The following KHDRBS2 variants were observed in gnomAD, a reference collection of about 807,000 sequenced individuals.
KHDRBS2 encodes KH domain-containing, RNA-binding, signal transduction-associated protein 2.
A neutral mutation model predicts 44.3 loss-of-function variants in KHDRBS2; 26 were observed. The observed-to-expected ratio is 0.59, with a 90% CI of 0.43 to 0.81. The LOEUF (loss-of-function observed/expected upper bound fraction) is 0.81. Among genes scored for constraint, KHDRBS2 ranks in the 40% least tolerant of loss-of-function variants. KHDRBS2 has a pLI of 0.00. For missense variants in KHDRBS2, 476 were observed against 433.1 expected, an observed-to-expected ratio of 1.10 and a Z score of -0.88; for synonymous variants, 194 against 151.1, an observed-to-expected ratio of 1.28 and a Z score of -2.08.
At chr6:61,966,126 A>G (rs967604411) in intron 4 of KHDRBS2, among the ~76,000 whole-genome samples, 3 of 151,368 alleles carry the variant, frequency 2.0e-5, no homozygotes, top group African/African-American at 7.2e-5. Context: ...TTGACATAGA[A>G]TTTGTTTTAC....
chr6:62,108,814 G>C (rs369563865), intron 2 of KHDRBS2, among the ~76,000 whole-genome samples: 1 of 152,090 alleles, frequency 6.6e-6, no homozygotes, highest in Non-Finnish European at 1.5e-5. Context: ...GATGAAATTA[G>C]AAATCATCAG....
chr6:61,679,039 A>C (rs1766100444), downstream of KHDRBS2: 2 of 151,984 alleles, frequency 1.3e-5, no homozygotes, highest in African/African-American at 4.8e-5. Flanking sequence ...AATTGATGAC[A>C]GACACACACT....
intron 6 of KHDRBS2, among the ~76,000 whole-genome samples, chr6:61,805,811 C>T (rs74634774): frequency 0.065 from 9,834 of 152,210 alleles, 391 homozygotes; most frequent in Middle Eastern, 0.13. Flanking sequence ...CTATGAGGTC[C>T]CTCGCCCAAA....
intron 3 of KHDRBS2, among the ~76,000 whole-genome samples, chr6:62,001,974 G>A (rs1467010323): frequency 6.6e-6 from 1 of 152,096 alleles, no homozygotes; most frequent in Admixed American, 6.6e-5. Flanking sequence ...AGATCAAAGG[G>A]AAAATTAAAT....
chr6:61,848,839 C>T lies in KHDRBS2; in HGVS notation c.810+45796G>A, dbSNP rs189840859. ...CAGGGTAAATTTTTAATTTATATTT[C>T]GACCTATGATAAGTTGAAAAGCAGA... On this transcript the variant is annotated intron_variant, in intron 6 of 8. Transcript: ENST00000281156. 2.0e-3 allele frequency among the ~76,000 whole-genome samples: 301 copies of T among 151,138 alleles called. 5 individuals carry two copies. Among genetic ancestry groups the T allele is most frequent in the Non-Finnish European group, 2.5e-3 (167 of 67,722 alleles).
At chr6:61,802,082 A>T (rs1400621270) in intron 6 of KHDRBS2, among the ~76,000 whole-genome samples, 1 of 152,070 alleles carries the variant, frequency 6.6e-6, no homozygotes, top group Non-Finnish European at 1.5e-5. Flanking sequence ...TTTGAGAGCG[A>T]CCCCTGGCTG....
chr6:61,558,419 G>C, the KHDRBS2 span, among the ~76,000 whole-genome samples: 1 of 151,964 alleles, frequency 6.6e-6, no homozygotes, highest in Non-Finnish European at 1.5e-5. Flanking sequence ...AAATTTAGCT[G>C]TACATGGTGG....
At chr6:61,950,572 A>T (rs747344658) in intron 4 of KHDRBS2, among the ~76,000 whole-genome samples, 86 of 152,102 alleles carry the variant, frequency 5.7e-4, no homozygotes, top group Non-Finnish European at 1.1e-3. Context: ...TTTTCCATGT[A>T]ATTCTCTTAT....
rs569761376 is a variant in KHDRBS2 at position 62,270,365 on chromosome 6, A to G, written c.91+15493T>C. 4.1e-5 allele frequency among the ~76,000 whole-genome samples: 5 copies of G among 120,620 alleles called. No individual in the cohort carries two copies. The East Asian group carries it at 1.4e-3, about 35-fold the overall frequency. 79.1% of individuals were successfully genotyped at this position (120,620 alleles called of 152,430 possible). A position where few individuals can be genotyped will look rare whatever the true frequency, so the allele number is the denominator to read the frequency against. On this transcript the variant is annotated intron_variant, in intron 1 of 8. Coordinates refer to ENST00000281156, the MANE Select transcript of KHDRBS2 (RefSeq NM_152688.4). ...ACCTTTCTCTCTCTCGCCATGTGAC[A>G]TATCAGCTCCTCTTCCATTTCTGCC...
intron 6 of KHDRBS2, among the ~76,000 whole-genome samples, chr6:61,753,649 A>C (rs2127569738): frequency 6.6e-6 from 1 of 152,218 alleles, no homozygotes; most frequent in Middle Eastern, 3.4e-3. Flanking sequence ...ATAAGAGGAA[A>C]AGTGGGGATA....
chr6:61,969,148 G>T (rs1266062651), intron 4 of KHDRBS2, among the ~76,000 whole-genome samples: 5 of 151,982 alleles, frequency 3.3e-5, no homozygotes, highest in African/African-American at 4.8e-5. Context: ...TGCAAGGGTA[G>T]CAAGTTTATC....
At chr6:61,544,295 C>T in the KHDRBS2 span, among the ~76,000 whole-genome samples, 15 of 151,938 alleles carry the variant, frequency 9.9e-5, no homozygotes, top group African/African-American at 3.1e-4. Flanking sequence ...ACCAAATTAA[C>T]TAGTAGCTTC....
chr6:61,748,270 T>TG (rs1478910979), intron 6 of KHDRBS2, among the ~76,000 whole-genome samples: 1 of 152,190 alleles, frequency 6.6e-6, no homozygotes, highest in Non-Finnish European at 1.5e-5. Context: ...ATTACAGGCG[T>TG]GAGCCACCAC....
At chr6:62,125,681 A>G (rs1808794386) in intron 2 of KHDRBS2, among the ~76,000 whole-genome samples, 1 of 152,072 alleles carries the variant, frequency 6.6e-6, no homozygotes, top group Admixed American at 6.5e-5. Context: ...ACTGGACACA[A>G]TCCTGAGGTC....
intron 2 of KHDRBS2, among the ~76,000 whole-genome samples, chr6:62,069,642 T>A (rs970409287): frequency 6.6e-6 from 1 of 151,778 alleles, no homozygotes; most frequent in African/African-American, 2.4e-5. Context: ...AGAGACATAT[T>A]GCTCATGCAA....
intron 1 of KHDRBS2, among the ~76,000 whole-genome samples, chr6:62,225,742 G>A (rs559876296): frequency 6.9e-6 from 1 of 145,202 alleles, no homozygotes; most frequent in East Asian, 2.0e-4. Context: ...CTTTGTCCAT[G>A]TGTTCTCATT....
chr6:61,705,904 A>G (rs1422201850), intron 7 of KHDRBS2, among the ~76,000 whole-genome samples: 2 of 151,712 alleles, frequency 1.3e-5, no homozygotes, highest in East Asian at 1.9e-4. Flanking sequence ...ATTGTTGAAA[A>G]TCCATCTTTA....
intron 4 of KHDRBS2, among the ~76,000 whole-genome samples, chr6:61,959,525 C>T (rs1260636565): frequency 1.3e-5 from 2 of 152,086 alleles, no homozygotes; most frequent in East Asian, 3.9e-4. Flanking sequence ...TCGATAGAAA[C>T]AATTTCTGCA....
chr6:61,572,952 C>T, the KHDRBS2 span, among the ~76,000 whole-genome samples: 50,833 of 152,000 alleles, frequency 0.33, 9,499 homozygotes, highest in East Asian at 0.49. Context: ...CAACATAGTA[C>T]TGGAAGTCCT....
Sources: gnomAD v4.1 joint callset for allele counts (sites outside exome capture counted in the v4.1 genomes callset) on GRCh38, gnomAD v4.1.1 for gene constraint, MANE v1.5 for transcripts, NCBI Gene and HGNC (gene_info 2026-07-23, HGNC 2026-07-21) for gene names.